KANK1: variants seen among roughly 807,000 people sequenced by gnomAD.
KANK1 encodes the protein KN motif and ankyrin repeat domains 1, also known as KN motif and ankyrin repeat domain-containing protein 1.
In KANK1, 109 loss-of-function variants were observed where a neutral mutation model predicts 106.2. The observed-to-expected ratio is 1.03, with a 90% CI of 0.88 to 1.20. KANK1 has a LOEUF of 1.20. Ranked by LOEUF, KANK1 falls within the 50% of genes most tolerant of loss-of-function variation. KANK1 has a pLI of 0.00. For missense variants in KANK1, 2,399 were observed against 1,710.7 expected, an observed-to-expected ratio of 1.40 and a Z score of -7.10; for synonymous variants, 873 against 652.2, an observed-to-expected ratio of 1.34 and a Z score of -5.16.
intron 3 of KANK1, among the ~76,000 whole-genome samples, chr9:720,619 G>C (rs1172495997): frequency 6.6e-6 from 1 of 152,174 alleles, no homozygotes. Context: ...GCCTCACTAA[G>C]TGCTGGGATT....
chr9:632,370 C>T (rs1256799165), intron 1 of KANK1, among the ~76,000 whole-genome samples: 1 of 152,012 alleles, frequency 6.6e-6, no homozygotes, highest in East Asian at 1.9e-4. Flanking sequence ...TTAAAGGAAT[C>T]AGTGGTTTAG....
At chr9:743,592 C>T (rs1209597216) in intron 10 of KANK1, among the ~76,000 whole-genome samples, 1 of 152,176 alleles carries the variant, frequency 6.6e-6, no homozygotes, top group Admixed American at 6.5e-5. Flanking sequence ...AGGCTGGGCA[C>T]AGTGGGTCAC....
intron 1 of KANK1, among the ~76,000 whole-genome samples, chr9:525,229 A>G (rs1218944023): frequency 2.0e-5 from 3 of 151,428 alleles, no homozygotes; most frequent in Non-Finnish European, 4.4e-5. Flanking sequence ...TCCTGCCCTC[A>G]GGTAATCCAC....
intron 1 of KANK1, among the ~76,000 whole-genome samples, chr9:672,144 C>T (rs1247754881): frequency 2.0e-5 from 3 of 152,080 alleles, no homozygotes; most frequent in East Asian, 1.9e-4. Context: ...TCACAAGAGC[C>T]CTAGGGCTGA....
chr9:736,799 T>G (rs1833919847), intron 7 of KANK1, among the ~76,000 whole-genome samples: 1 of 152,174 alleles, frequency 6.6e-6, no homozygotes, highest in Admixed American at 6.5e-5. Flanking sequence ...TGGTCACTAG[T>G]AAAACCATAA....
chr9:578,035 C>T (rs1209518036), intron 1 of KANK1, among the ~76,000 whole-genome samples: 1 of 152,062 alleles, frequency 6.6e-6, no homozygotes, highest in Non-Finnish European at 1.5e-5. Flanking sequence ...ACCAGGTCAC[C>T]CCTAGATGTG....
At chr9:564,130 G>C (rs1222064214) in intron 1 of KANK1, among the ~76,000 whole-genome samples, 1 of 151,518 alleles carries the variant, frequency 6.6e-6, no homozygotes, top group Non-Finnish European at 1.5e-5. Context: ...CGCAATCTCG[G>C]CTCACTGCAA....
At chr9:735,544 T>G (rs956398593) in intron 7 of KANK1, among the ~76,000 whole-genome samples, 1 of 152,240 alleles carries the variant, frequency 6.6e-6, no homozygotes, top group Non-Finnish European at 1.5e-5. Context: ...GACAGCTGTC[T>G]TTTTTATTAG....
chr9:706,463 A>G (rs1824188939), intron 2 of KANK1, among the ~76,000 whole-genome samples: 2 of 152,146 alleles, frequency 1.3e-5, no homozygotes, highest in African/African-American at 4.8e-5. Flanking sequence ...CTTAAGTGGG[A>G]AAAGTATAGA....
At chr9:553,693 A>C (rs1042713831) in intron 1 of KANK1, among the ~76,000 whole-genome samples, 9 of 152,220 alleles carry the variant, frequency 5.9e-5, no homozygotes, top group African/African-American at 2.2e-4. Context: ...AATATAAGCC[A>C]ATTGTTCAGT....
chr9:687,021 A>ATTTCT (rs60015547), intron 2 of KANK1: 109,783 of 645,376 alleles, frequency 0.17, 15,351 homozygotes, highest in East Asian at 0.52. Flanking sequence ...ATACTGCTGA[A>ATTTCT]TTTCTTTTCT....
At chr9:627,521 C>G (rs1834651370) in intron 1 of KANK1, among the ~76,000 whole-genome samples, 1 of 152,166 alleles carries the variant, frequency 6.6e-6, no homozygotes, top group African/African-American at 2.4e-5. Context: ...TTCTCCAAAG[C>G]TGCTCTTTGA....
intron 1 of KANK1, among the ~76,000 whole-genome samples, chr9:597,825 G>T (rs1283456804): frequency 2.6e-5 from 4 of 151,170 alleles, no homozygotes; most frequent in African/African-American, 9.8e-5. Context: ...CACCACGCCT[G>T]GCTAATTTTT....
chr9:589,746 GAAGT>G lies in KANK1; in HGVS notation c.-84+84994_-84+84997del, dbSNP rs1298310125. Reference sequence around the variant, plus strand: ...ATTGTGGCCTGAATGAAGAAAGAAGGAAGTATTTATTTCTGGAGAGTAAAAGTGG... The same window carrying G: ...ATTGTGGCCTGAATGAAGAAAGAAGGATTTATTTCTGGAGAGTAAAAGTGG... On this transcript the variant is annotated intron_variant, in intron 1 of 11. Coordinates refer to ENST00000382297, the MANE Select transcript of KANK1 (RefSeq NM_015158.5). Among the ~76,000 whole-genome samples, 10 of 152,288 alleles carry G rather than the reference GAAGT, an allele frequency of 6.6e-5. No homozygotes were observed. In the East Asian group the frequency reaches 1.9e-3, roughly 29 times the overall value.
chr9:601,627 C>T (rs148045911), intron 1 of KANK1, among the ~76,000 whole-genome samples: 3 of 151,858 alleles, frequency 2.0e-5, no homozygotes, highest in African/African-American at 7.3e-5. Context: ...GTGGACTCAT[C>T]ATGGACAGTT....
intron 1 of KANK1, among the ~76,000 whole-genome samples, chr9:609,343 A>G (rs796799953): frequency 6.6e-6 from 1 of 152,124 alleles, no homozygotes; most frequent in African/African-American, 2.4e-5. Flanking sequence ...AATAGAATCA[A>G]TAGGCTGGGC....
chr9:528,893 G>A (rs922523883), intron 1 of KANK1, among the ~76,000 whole-genome samples: 11 of 151,966 alleles, frequency 7.2e-5, no homozygotes, highest in Non-Finnish European at 1.3e-4. Flanking sequence ...TTGACCTCCT[G>A]GGCTTAAGCA....
intron 1 of KANK1, among the ~76,000 whole-genome samples, chr9:602,006 C>T (rs992210116): frequency 6.6e-6 from 1 of 151,728 alleles, no homozygotes; most frequent in Non-Finnish European, 1.5e-5. Flanking sequence ...GTCTGAAACT[C>T]GTTTTTAACA....
intron 1 of KANK1, among the ~76,000 whole-genome samples, chr9:613,901 C>T (rs1025452712): frequency 2.6e-5 from 4 of 152,128 alleles, no homozygotes; most frequent in Admixed American, 2.0e-4. Context: ...GTAGGAAGAC[C>T]ATTTAACTGA....
Sources: allele counts gnomAD v4.1 joint callset (sites outside exome capture counted in the v4.1 genomes callset), GRCh38; gene constraint gnomAD v4.1.1; transcripts MANE v1.5; gene names NCBI Gene and HGNC (gene_info 2026-07-23, HGNC 2026-07-21).